DDX42: variants seen among roughly 807,000 people sequenced by gnomAD.
DDX42 encodes the protein ATP-dependent RNA helicase DDX42.
A neutral mutation model predicts 101.5 loss-of-function variants in DDX42; 22 were observed. That is an observed-to-expected ratio of 0.22 (90% confidence interval 0.15 to 0.31). DDX42 has a LOEUF of 0.31. DDX42 is among the 10% of genes least tolerant of loss of function. DDX42 has a pLI of 1.00. For synonymous variants in DDX42, 402 were observed against 401.2 expected, an observed-to-expected ratio of 1.00 and a Z score of -0.02; for missense variants, 849 against 1,199.9, an observed-to-expected ratio of 0.71 and a Z score of 4.32.
intron 16 of DDX42, 73 bp downstream of exon 16, chr17:63,815,746 T>C (rs1174513686): frequency 9.3e-7 from 1 of 1,072,264 alleles, no homozygotes; most frequent in Non-Finnish European, 1.4e-6. Context: ...AATATTCTCA[T>C]CTACCCAGGA....
intron 3 of DDX42, among the ~76,000 whole-genome samples, chr17:63,795,542 G>C (rs1263165831): frequency 6.6e-6 from 1 of 152,108 alleles, no homozygotes; most frequent in Non-Finnish European, 1.5e-5. Context: ...TTTTTTCCCA[G>C]GCCGGTCTCA....
chr17:63,793,298 C>G (rs910575078), intron 3 of DDX42, among the ~76,000 whole-genome samples: 8 of 150,060 alleles, frequency 5.3e-5, no homozygotes, highest in African/African-American at 1.7e-4. Context: ...CAAAGTCTTG[C>G]TCTGATGTGG....
chr17:63,817,664 A>G, intron 17 of DDX42, 30 bp from the exon 18 acceptor site: 1 of 1,601,002 alleles, frequency 6.2e-7, no homozygotes, highest in Non-Finnish European at 8.5e-7. Flanking sequence ...TTGCTATCTT[A>G]CCTACTCCTG....
At chr17:63,799,750 T>A (rs988085501) in intron 5 of DDX42, 125 bp downstream of exon 5, 5 of 938,088 alleles carry the variant, frequency 5.3e-6, no homozygotes, top group Admixed American at 2.4e-5. Context: ...GTCATTTGAT[T>A]TGCTCCTTTT....
intron 2 of DDX42, 85 bp from the exon 3 acceptor site, chr17:63,792,327 T>G: frequency 1.1e-5 from 16 of 1,428,184 alleles, no homozygotes; most frequent in Non-Finnish European, 1.5e-5. Context: ...TAATAAGATA[T>G]ACCATAATAA....
At chr17:63,788,147 T>A (rs1171990928) in intron 2 of DDX42, among the ~76,000 whole-genome samples, 1 of 151,614 alleles carries the variant, frequency 6.6e-6, no homozygotes, top group East Asian at 2.0e-4. Flanking sequence ...TCAGGTGAAC[T>A]GCCCGCCTTG....
At chr17:63,787,922 TGGAGGCAGA>T (rs1567731908) in intron 2 of DDX42, among the ~76,000 whole-genome samples, 3 of 144,068 alleles carry the variant, frequency 2.1e-5, no homozygotes, top group Non-Finnish European at 1.5e-5. Context: ...TTTTTTTTTT[TGGAGGCAGA>T]GTTTTGCTCG....
At chr17:63,780,824 G>A (rs1011950351) in intron 1 of DDX42, among the ~76,000 whole-genome samples, 1 of 152,176 alleles carries the variant, frequency 6.6e-6, no homozygotes, top group Non-Finnish European at 1.5e-5. Context: ...TCATAGTCAT[G>A]TTTGTTCTTT....
At chr17:63,777,196 A>G (rs1598318718) in intron 1 of DDX42, among the ~76,000 whole-genome samples, 1 of 152,172 alleles carries the variant, frequency 6.6e-6, no homozygotes, top group South Asian at 2.1e-4. Flanking sequence ...GGTGTGAGCC[A>G]CCTTGCCCAG....
Position 63,792,801 on chromosome 17 carries a change from A to G in DDX42, c.372+239A>G, listed in dbSNP as rs1192387017. On this transcript the variant is annotated intron_variant, in intron 3 of 17. Coordinates refer to ENST00000389924, the MANE Select transcript of DDX42 (RefSeq NM_203499.3). ...CCATGAACATGGTAGCTCTAGACGT[A>G]TATGTGTGTATGTATTTTATTTTAA... Among the ~76,000 whole-genome samples, 4 of 152,072 alleles carry G rather than the reference A, an allele frequency of 2.6e-5. No individual in the cohort carries two copies. In the East Asian group the frequency reaches 7.7e-4, roughly 29 times the overall value.
At chr17:63,808,744 T>C in intron 9 of DDX42, 76 bp from the exon 10 acceptor site, 1 of 1,573,204 alleles carries the variant, frequency 6.4e-7, no homozygotes. Flanking sequence ...CATTCTGTTT[T>C]TCAGAACTTC....
intron 14 of DDX42, 47 bp from the exon 15 acceptor site, chr17:63,813,181 C>T (rs148568914): frequency 1.9e-5 from 29 of 1,523,478 alleles, no homozygotes; most frequent in East Asian, 4.6e-5. Context: ...CTTTGATCTT[C>T]TGACTACAGA....
rs538883636 is a variant in DDX42 at position 63,802,445 on chromosome 17, A to G, written c.621+1828A>G. Among the ~76,000 whole-genome samples the G allele has an allele frequency of 7.8e-4, 119 of 152,348 alleles. No homozygotes were observed. In the Middle Eastern group the frequency reaches 0.017, roughly 22 times the overall value. On this transcript the variant is annotated intron_variant, in intron 6 of 17. Coordinates refer to ENST00000389924, the MANE Select transcript of DDX42 (RefSeq NM_203499.3). ...AATCAATGACATTTCAAGGAAAACA[A>G]TTGAAAGTGTTTATTACCCATGATA...
chr17:63,803,326 T>G (rs555007630), intron 6 of DDX42, among the ~76,000 whole-genome samples: 22 of 152,048 alleles, frequency 1.4e-4, no homozygotes, highest in Non-Finnish European at 2.6e-4. Flanking sequence ...CGGTGGCTCA[T>G]GCCTGTAATT....
rs774581428 is a variant in DDX42, at chr17:63,815,670, C to T, written c.2010C>T (p.Asn670=). The T allele has an allele frequency of 1.2e-6, 2 of 1,609,310 alleles. No homozygotes were observed. The highest frequency in any genetic ancestry group is 1.7e-6 in the Non-Finnish European group (2 of 1,175,956). The part of the protein sequence containing the change: ...YRERPGLGSE[N]MDRGNNNVMS... ...AGCGGCCTGGCCTGGGCTCTGAGAA[C>T]ATGGTGAGTCTAGACTACTACAGTA... Residue 670 remains asparagine, a synonymous_variant, in exon 16 of 18, where the codon AAC becomes AAT. Transcript: ENST00000389924.
Position 63,792,487 on chromosome 17 carries a change from C to T in DDX42, c.297C>T (p.Arg99=). 6.2e-7 allele frequency: 1 copy of T among 1,613,910 alleles called. No homozygotes were observed. ...TTCCTGCTGAAAACTCACCAACTCG[C>T]CAGCAATTCCATTCCAAGCCAGTAG... ...PYIPAENSPT[R]QQFHSKPVDS... Residue 99 remains arginine, a synonymous_variant, in exon 3 of 18, where the codon CGC becomes CGT. Coordinates refer to ENST00000389924, the MANE Select transcript of DDX42 (RefSeq NM_203499.3).
At chr17:63,804,989 G>T in intron 6 of DDX42, 82 bp from the exon 7 acceptor site, 1 of 1,497,590 alleles carries the variant, frequency 6.7e-7, no homozygotes, top group Non-Finnish European at 8.9e-7. Context: ...GTAAAATTTG[G>T]AAAAGATTAT....
At chr17:63,783,871 T>G (rs568208574) in intron 1 of DDX42, among the ~76,000 whole-genome samples, 2 of 152,242 alleles carry the variant, frequency 1.3e-5, no homozygotes, top group East Asian at 1.9e-4. Flanking sequence ...AAGACCAGCC[T>G]GCCTAACATA....
rs779517093 is a variant in DDX42 at position 63,787,021 on chromosome 17, T to G, written c.-16-13T>G. On this transcript the variant is annotated splice_polypyrimidine_tract_variant and intron_variant, in intron 1 of 17. Coordinates refer to ENST00000389924, the MANE Select transcript of DDX42 (RefSeq NM_203499.3). ...TAAGTTTAATTTATATTTGTGTATC[T>G]TATTCCTAACAGGTCAGTCATTGGC... is the stretch of plus-strand genomic sequence containing the variant. The G allele has an allele frequency of 7.4e-6, 12 of 1,613,272 alleles. No homozygotes were observed. Among genetic ancestry groups the G allele is most frequent in the Non-Finnish European group, 9.3e-6 (11 of 1,179,516 alleles).
Sources: gnomAD v4.1 joint callset for allele counts (sites outside exome capture counted in the v4.1 genomes callset) on GRCh38, gnomAD v4.1.1 for gene constraint, MANE v1.5 for transcripts, NCBI Gene and HGNC (gene_info 2026-07-23, HGNC 2026-07-21) for gene names.